The following MTMR8 variants were observed in gnomAD, a reference collection of about 807,000 sequenced individuals.
The protein encoded by MTMR8 is myotubularin related protein 8.
MTMR8 carries 65 observed loss-of-function variants against 39.3 expected under a neutral mutation model. The observed-to-expected ratio is 1.65, with a 90% CI of 1.35 to 2.03. MTMR8 has a LOEUF of 2.03. Among genes scored for constraint, MTMR8 ranks in the 30% most tolerant of loss-of-function variants. The pLI is 0.00. For synonymous variants in MTMR8, 245 were observed against 185.2 expected (o/e 1.32, Z -2.62); for missense variants, 777 against 538.9 (o/e 1.44, Z -4.37).
At chrX:64,393,690 C>A (rs1924750539) in intron 1 of MTMR8, among the ~76,000 whole-genome samples, 1 of 111,383 alleles carries the variant, frequency 9.0e-6, no homozygotes, top group Non-Finnish European at 1.9e-5. Context: ...GATCCGGAAA[C>A]AAAGGGACAC....
intron 12 of MTMR8, among the ~76,000 whole-genome samples, chrX:64,310,786 C>T (rs775468160): frequency 3.6e-5 from 4 of 110,716 alleles, no homozygotes; most frequent in Non-Finnish European, 5.7e-5. Flanking sequence ...TTGCTGAGAA[C>T]GACGGTTTCC....
intron 12 of MTMR8, among the ~76,000 whole-genome samples, chrX:64,281,776 G>A (rs1010010897): frequency 9.1e-5 from 10 of 110,303 alleles, no homozygotes; most frequent in Non-Finnish European, 1.9e-4. Context: ...CAAAATGGGA[G>A]AAAATTTTTG....
At chrX:64,312,187 G>A (rs1400052763) in intron 12 of MTMR8, among the ~76,000 whole-genome samples, 1 of 111,320 alleles carries the variant, frequency 9.0e-6, no homozygotes, top group Non-Finnish European at 1.9e-5. Flanking sequence ...GTTGAGCAGT[G>A]GTTTTTAGTT....
At chrX:64,285,128 A>C (rs1569209813) in intron 12 of MTMR8, among the ~76,000 whole-genome samples, 1 of 111,523 alleles carries the variant, frequency 9.0e-6, no homozygotes, top group Non-Finnish European at 1.9e-5. Context: ...ATGGAGGAAG[A>C]TCTACCAAGC....
rs1187416538 is a variant in MTMR8, at chrX:64,356,187, A to G, written c.299T>C (p.Leu100Pro). 8.3e-7 allele frequency: 1 copy of G among 1,205,652 alleles called. No individual in the cohort carries two copies. ...CHEVYISLLK[L>P]SQPALPEDLY... Reference sequence around the variant, plus strand: ...ACTATCATAACTACCTGGCTGAGAAAGCTTGAGCAGTGAAATATAAACCTC... The same window carrying G: ...ACTATCATAACTACCTGGCTGAGAAGGCTTGAGCAGTGAAATATAAACCTC... The change falls in exon 3 of 14, where the codon CTT (leucine) becomes CCT (proline). Residue 100 changes from leucine (L) to proline (P), a missense_variant. By Grantham distance (98) the Leu-to-Pro change is moderately conservative. Coordinates refer to ENST00000374852, the MANE Select transcript of MTMR8 (RefSeq NM_017677.4).
In MTMR8 at chrX:64,345,103, T is replaced by A. The variant is rs1474023517; in HGVS notation, c.807A>T (p.Arg269Ser). The change falls in exon 7 of 14, where the codon AGA becomes AGT. Residue 269 changes from arginine (R) to serine (S), a missense_variant. By Grantham distance (110) the Arg-to-Ser change is moderately radical. Coordinates refer to ENST00000374852, the MANE Select transcript of MTMR8 (RefSeq NM_017677.4). ...CATGGATGTTCTCAATGCCCATGAA[T>A]CTGAAGCGAATGTTGGCATAGTTGT... The part of the protein sequence containing the change: ...NEDNYANIRF[R>S]FMGIENIHVM... 1.7e-6 allele frequency: 2 copies of A among 1,209,510 alleles called. No homozygotes were observed. The highest frequency in any genetic ancestry group is 3.5e-5 in the African/African-American group (2 of 57,231).
chrX:64,319,133 C>A (rs1213881449), intron 12 of MTMR8, among the ~76,000 whole-genome samples: 2 of 112,502 alleles, frequency 1.8e-5, no homozygotes, highest in Non-Finnish European at 3.8e-5. Context: ...AAATACCTAT[C>A]ATTGGTGATA....
In MTMR8 at chrX:64,289,636, CAAAAAAAAA is replaced by C. The variant is rs749879321; in HGVS notation, c.1482-18572_1482-18564del. ...TGGGTGACAGAGTGAGACTCCATCG[CAAAAAAAAA>C]AAAAAAAAAAAAAAAATTAAGTTGG... On this transcript the variant is annotated intron_variant, in intron 12 of 13. Coordinates refer to ENST00000374852, the MANE Select transcript of MTMR8 (RefSeq NM_017677.4). Among the ~76,000 whole-genome samples, 37 of 26,422 alleles carry C rather than the reference CAAAAAAAAA, an allele frequency of 1.4e-3. 1 individual carries two copies. The highest frequency in any genetic ancestry group is 3.7e-3 in the Admixed American group (6 of 1,605). 22.9% of individuals were successfully genotyped at this position (26,422 alleles called of 115,157 possible).
At chrX:64,295,603 A>G (rs1003578560) in intron 12 of MTMR8, among the ~76,000 whole-genome samples, 4 of 111,932 alleles carry the variant, frequency 3.6e-5, no homozygotes, top group Non-Finnish European at 5.6e-5. Flanking sequence ...GAGAATTCCT[A>G]AAACTCAACC....
At chrX:64,302,058 G>A (rs1393366837) in intron 12 of MTMR8, among the ~76,000 whole-genome samples, 1 of 112,824 alleles carries the variant, frequency 8.9e-6, no homozygotes, top group African/African-American at 3.2e-5. Flanking sequence ...AGCCTACAGA[G>A]GCAGGCAGGC....
At chrX:64,351,163 A>G (rs1490883500) in intron 4 of MTMR8, among the ~76,000 whole-genome samples, 3 of 110,887 alleles carry the variant, frequency 2.7e-5, no homozygotes, top group Admixed American at 9.6e-5. Context: ...GACCAACAAG[A>G]GTATTTCAGA....
chrX:64,338,978 G>A (rs754198076), intron 8 of MTMR8, among the ~76,000 whole-genome samples: 5 of 111,160 alleles, frequency 4.5e-5, no homozygotes, highest in Non-Finnish European at 7.5e-5. Flanking sequence ...TAGTAGTGGT[G>A]GTATGTAAGA....
In MTMR8 at chrX:64,348,767, G is replaced by C; in HGVS notation, c.625C>G (p.Leu209Val). The C allele has an allele frequency of 8.3e-7, 1 of 1,211,086 alleles. No homozygotes were observed. The highest frequency in any genetic ancestry group is 1.7e-5 in the African/African-American group (1 of 57,875). Reference protein sequence around the residue: ...NAAICRCSQPLSGFYTRCVDD... With the variant: ...NAAICRCSQPVSGFYTRCVDD... ...ACACAGCGAGTGTAAAATCCAGAGA[G>C]AGGCTGGCTACAGCGGCAAATGGCA... The change falls in exon 6 of 14, where the codon CTC becomes GTC. Residue 209 changes from leucine (L) to valine (V), a missense_variant. Transcript: ENST00000374852.
intron 1 of MTMR8, among the ~76,000 whole-genome samples, chrX:64,390,573 G>A (rs1014308314): frequency 8.9e-5 from 10 of 111,914 alleles, no homozygotes; most frequent in African/African-American, 3.3e-4. Context: ...GAGAGGCTTG[G>A]ACCATCACTA....
intron 1 of MTMR8, among the ~76,000 whole-genome samples, chrX:64,390,322 T>C (rs1049403454): frequency 3.6e-5 from 4 of 112,477 alleles, no homozygotes; most frequent in African/African-American, 9.7e-5. Flanking sequence ...CAAAGTGTTA[T>C]TAACATACTA....
rs887525473 is a variant in MTMR8 at position 64,325,294 on chromosome X, A to T, written c.1481+3478T>A. 3.6e-5 allele frequency among the ~76,000 whole-genome samples: 4 copies of T among 112,165 alleles called. No homozygotes were observed. In the East Asian group the frequency reaches 1.1e-3, roughly 31 times the overall value. ...ACTGAAGAGGAGACAATATTTCTAA[A>T]CTCATTTTATAAGGATAGCATTACC... is the stretch of plus-strand genomic sequence containing the variant. On this transcript the variant is annotated intron_variant, in intron 12 of 13. Coordinates refer to ENST00000374852, the MANE Select transcript of MTMR8 (RefSeq NM_017677.4).
intron 12 of MTMR8, among the ~76,000 whole-genome samples, chrX:64,274,613 T>C (rs1931832251): frequency 8.9e-6 from 1 of 112,266 alleles, no homozygotes; most frequent in African/African-American, 3.2e-5. Context: ...CTCATGTTCA[T>C]TCTGGCATTA....
At chrX:64,388,879 G>C (rs939002395) in intron 1 of MTMR8, among the ~76,000 whole-genome samples, 3 of 111,853 alleles carry the variant, frequency 2.7e-5, no homozygotes, top group Non-Finnish European at 3.8e-5. Context: ...TTTTACCTTA[G>C]AATCATTTTT....
intron 1 of MTMR8, among the ~76,000 whole-genome samples, chrX:64,380,155 A>G (rs773985798): frequency 1.8e-5 from 2 of 112,643 alleles, no homozygotes; most frequent in African/African-American, 3.2e-5. Flanking sequence ...CAGTTTCCCA[A>G]CTATGCCTGC....
Sources: gnomAD v4.1 joint callset for allele counts (sites outside exome capture counted in the v4.1 genomes callset) on GRCh38, gnomAD v4.1.1 for gene constraint, MANE v1.5 for transcripts, NCBI Gene and HGNC (gene_info 2026-07-23, HGNC 2026-07-21) for gene names.